The following FRK variants were observed in gnomAD, a reference collection of about 807,000 sequenced individuals.
FRK encodes the protein tyrosine-protein kinase FRK.
FRK carries 51 observed loss-of-function variants against 56.4 expected under a neutral mutation model. The ratio of observed to expected loss-of-function variants is 0.90; its 90% CI spans 0.72 to 1.14. The LOEUF (loss-of-function observed/expected upper bound fraction) is 1.14, where lower values mean the gene tolerates loss of function less well. FRK is among the 50% of genes most tolerant of loss of function. FRK has a pLI of 0.00. For missense variants in FRK, 570 were observed against 601.4 expected, an observed-to-expected ratio of 0.95 and a Z score of 0.55; for synonymous variants, 245 against 217.9, an observed-to-expected ratio of 1.12 and a Z score of -1.10.
the FRK span, among the ~76,000 whole-genome samples, chr6:116,072,293 G>A: frequency 6.6e-6 from 1 of 152,084 alleles, no homozygotes; most frequent in African/African-American, 2.4e-5. Flanking sequence ...TATATGTTGA[G>A]TGATTGAGTC....
chr6:115,948,915 C>T (rs1481443547), intron 5 of FRK, among the ~76,000 whole-genome samples: 2 of 152,134 alleles, frequency 1.3e-5, no homozygotes, highest in Non-Finnish European at 2.9e-5. Flanking sequence ...GGATGAGTTA[C>T]CTAATCTCTA....
Position 115,938,103 on chromosome 6 carries a change from A to G in FRK, c.*4311T>C, listed in dbSNP as rs1772083649. On this transcript the variant is annotated 3_prime_UTR_variant, in exon 8 of 8. Transcript: ENST00000606080. ...TAAAACACTCCTCAGCAAATGCAAA[A>G]GAACGGAAGTCATAACAAACAGTCT... 1 of 152,098 alleles carries G rather than the reference A, an allele frequency of 6.6e-6. No individual in the cohort carries two copies. The highest frequency in any genetic ancestry group is 2.4e-5 in the African/African-American group (1 of 41,324). 9.4% of individuals were successfully genotyped at this position (152,098 alleles called of 1,614,324 possible). A position where few individuals can be genotyped will look rare whatever the true frequency, so the allele number is the denominator to read the frequency against.
chr6:116,008,136 T>C (rs1000269736), intron 1 of FRK, among the ~76,000 whole-genome samples: 1 of 152,210 alleles, frequency 6.6e-6, no homozygotes, highest in East Asian at 1.9e-4. Context: ...ATTTGTATTT[T>C]GGCTAATCAA....
At chr6:116,066,731 A>G in the FRK span, among the ~76,000 whole-genome samples, 2 of 152,222 alleles carry the variant, frequency 1.3e-5, no homozygotes, top group Non-Finnish European at 2.9e-5. Context: ...CCACGGCAAC[A>G]GCCAAGCCCT....
chr6:116,076,166 A>G, the FRK span, among the ~76,000 whole-genome samples: 2 of 152,198 alleles, frequency 1.3e-5, no homozygotes, highest in Non-Finnish European at 2.9e-5. Context: ...TCTCACCAAA[A>G]GTTTATATGA....
intron 2 of FRK, chr6:116,002,858 AC>A: frequency 5.7e-6 from 2 of 350,266 alleles, no homozygotes; most frequent in South Asian, 4.3e-5. Context: ...GATATTTGGG[AC>A]TACCAGGTGT....
At chr6:116,001,179 A>G (rs1021890032) in intron 2 of FRK, among the ~76,000 whole-genome samples, 6 of 151,844 alleles carry the variant, frequency 4.0e-5, no homozygotes, top group Non-Finnish European at 2.9e-5. Flanking sequence ...GAGAGGTTGC[A>G]GTGAGCCGAC....
At chr6:115,946,824 A>G (rs924081627) in intron 5 of FRK, among the ~76,000 whole-genome samples, 2 of 152,056 alleles carry the variant, frequency 1.3e-5, no homozygotes, top group African/African-American at 4.8e-5. Context: ...AGAAAATGCC[A>G]TCATAGTCAA....
chr6:115,956,682 A>G, intron 4 of FRK, 72 bp from the exon 5 acceptor site: 5 of 1,232,564 alleles, frequency 4.1e-6, no homozygotes, highest in Non-Finnish European at 5.5e-6. Context: ...CCTGGTGGGA[A>G]TCATCAAGAT....
At chr6:116,018,404 C>A (rs1775732084) in intron 1 of FRK, among the ~76,000 whole-genome samples, 1 of 152,176 alleles carries the variant, frequency 6.6e-6, no homozygotes, top group Non-Finnish European at 1.5e-5. Context: ...TTATCCATAG[C>A]AGATGGTAGC....
At chr6:116,031,128 A>G (rs1232639455) in intron 1 of FRK, among the ~76,000 whole-genome samples, 1 of 152,134 alleles carries the variant, frequency 6.6e-6, no homozygotes, top group East Asian at 1.9e-4. Flanking sequence ...AAGTGTAAGA[A>G]AGTCTAAATG....
intron 1 of FRK, among the ~76,000 whole-genome samples, chr6:116,056,386 A>C (rs1478790364): frequency 2.0e-5 from 3 of 151,902 alleles, no homozygotes; most frequent in Non-Finnish European, 2.9e-5. Context: ...ATGCCTAGCA[A>C]ATTTTTTAAT....
rs1355350867 is a variant in FRK, at chr6:115,939,934, C to G, written c.*2480G>C. ...GCAATTTATATATTCAGTGCTATCC[C>G]CATCAAACTACCATTGACTTTCTTC... is the stretch of plus-strand genomic sequence containing the variant. On this transcript the variant is annotated 3_prime_UTR_variant, in exon 8 of 8. Transcript: ENST00000606080. 1 of 152,118 alleles carries G rather than the reference C, an allele frequency of 6.6e-6. No homozygotes were observed. Among genetic ancestry groups the G allele is most frequent in the Non-Finnish European group, 1.5e-5 (1 of 68,028 alleles). The allele number at this position is 152,118 out of a possible 1,614,324, so 9.4% of individuals were successfully genotyped here. A position where few individuals can be genotyped will look rare whatever the true frequency, so the allele number is the denominator to read the frequency against.
intron 5 of FRK, among the ~76,000 whole-genome samples, chr6:115,951,037 G>C (rs557511609): frequency 3.9e-5 from 6 of 152,164 alleles, no homozygotes; most frequent in African/African-American, 1.2e-4. Flanking sequence ...TGAGCAAAGG[G>C]AGGGACAGCA....
In FRK at chr6:115,935,086, G is replaced by T. The variant is rs901324232; in HGVS notation, c.*7328C>A. 3 of 152,490 alleles carry T rather than the reference G, an allele frequency of 2.0e-5. No homozygotes were observed. The highest frequency in any genetic ancestry group is 6.5e-5 in the Admixed American group (1 of 15,290). The allele number at this position is 152,490 out of a possible 1,614,324, so 9.4% of individuals were successfully genotyped here. On this transcript the variant is annotated 3_prime_UTR_variant, in exon 8 of 8. Coordinates refer to ENST00000606080, the MANE Select transcript of FRK (RefSeq NM_002031.3). ...GGCCAAATAGGAACAGCTCTGGTCT[G>T]CAGCTCCCAGTGAGATCAACGCAGA...
At chr6:116,097,358 G>A in the FRK span, among the ~76,000 whole-genome samples, 6 of 152,024 alleles carry the variant, frequency 3.9e-5, no homozygotes, top group African/African-American at 1.4e-4. Context: ...AAGATATGTA[G>A]ATTGGCTTAG....
intron 5 of FRK, among the ~76,000 whole-genome samples, chr6:115,951,267 A>G (rs1772740120): frequency 6.6e-6 from 1 of 152,176 alleles, no homozygotes; most frequent in African/African-American, 2.4e-5. Context: ...TTTTTTAAAG[A>G]AAAAAAGTAT....
intron 2 of FRK, among the ~76,000 whole-genome samples, chr6:115,994,608 CA>C (rs1774764905): frequency 1.3e-5 from 2 of 152,032 alleles, no homozygotes; most frequent in African/African-American, 4.8e-5. Flanking sequence ...TAATACTTTG[CA>C]ATTGTTATGA....
the FRK span, among the ~76,000 whole-genome samples, chr6:116,095,995 G>T: frequency 1.3e-5 from 2 of 152,124 alleles, no homozygotes; most frequent in Non-Finnish European, 1.5e-5. Context: ...CCCTTTCTAG[G>T]TCCCATGACA....
Sources: gnomAD v4.1 joint callset for allele counts (sites outside exome capture counted in the v4.1 genomes callset) on GRCh38, gnomAD v4.1.1 for gene constraint, MANE v1.5 for transcripts, NCBI Gene and HGNC (gene_info 2026-07-23, HGNC 2026-07-21) for gene names.